The following FAM171A1 variants were observed in gnomAD, a reference collection of about 807,000 sequenced individuals.
FAM171A1 encodes family with sequence similarity 171 member A1, also known as protein FAM171A1.
Under a neutral mutation model 74.9 loss-of-function variants are expected in FAM171A1, and 23 were observed. That is an observed-to-expected ratio of 0.31 (90% CI 0.22 to 0.44). The LOEUF (loss-of-function observed/expected upper bound fraction) is 0.44, where lower values mean the gene tolerates loss of function less well. Ranked by LOEUF, FAM171A1 falls within the 20% of genes least tolerant of loss-of-function variation. The pLI is 1.00. For synonymous variants in FAM171A1, 527 were observed against 505.7 expected, an observed-to-expected ratio of 1.04 and a Z score of -0.57; for missense variants, 1,162 against 1,159.2, an observed-to-expected ratio of 1.00 and a Z score of -0.03.
intron 1 of FAM171A1, among the ~76,000 whole-genome samples, chr10:15,330,268 G>T (rs553881030): frequency 1.3e-5 from 2 of 152,280 alleles, no homozygotes; most frequent in East Asian, 3.9e-4. Flanking sequence ...GAACCCGGCA[G>T]GTGGAGGTTG....
chr10:15,280,875 T>A (rs762284460), intron 2 of FAM171A1, among the ~76,000 whole-genome samples: 2 of 152,312 alleles, frequency 1.3e-5, no homozygotes, highest in South Asian at 2.1e-4. Context: ...AATTTTTTTG[T>A]CTAAATTTTG....
chr10:15,361,193 C>T (rs889444986), intron 1 of FAM171A1, among the ~76,000 whole-genome samples: 9 of 152,242 alleles, frequency 5.9e-5, no homozygotes, highest in Admixed American at 2.6e-4. Context: ...ACAAAGTACA[C>T]GTGCTTTAAT....
At chr10:15,284,821 G>A (rs1278748251) in intron 1 of FAM171A1, among the ~76,000 whole-genome samples, 1 of 151,946 alleles carries the variant, frequency 6.6e-6, no homozygotes, top group East Asian at 1.9e-4. Context: ...TGTGGCAGAA[G>A]TAACCCAGGA....
At chr10:15,331,098 C>T (rs1199555327) in intron 1 of FAM171A1, among the ~76,000 whole-genome samples, 7 of 152,068 alleles carry the variant, frequency 4.6e-5, no homozygotes, top group Non-Finnish European at 4.4e-5. Context: ...CTATGTTGGC[C>T]AGGCTGGTCT....
intron 1 of FAM171A1, among the ~76,000 whole-genome samples, chr10:15,351,574 T>TGGATGGATGGATGGAG (rs1835877701): frequency 6.7e-6 from 1 of 149,864 alleles, no homozygotes; most frequent in African/African-American, 2.5e-5. Context: ...GGACGATGGA[T>TGGATGGATGGATGGAG]GGATGGATGG....
intron 2 of FAM171A1, among the ~76,000 whole-genome samples, chr10:15,282,315 T>C (rs548783164): frequency 5.3e-5 from 8 of 152,252 alleles, no homozygotes; most frequent in East Asian, 3.9e-4. Context: ...GGAGAAAACA[T>C]GTGTGTTCGA....
chr10:15,268,469 T>C (rs529451161), intron 3 of FAM171A1, among the ~76,000 whole-genome samples: 1 of 152,174 alleles, frequency 6.6e-6, no homozygotes, highest in South Asian at 2.1e-4. Flanking sequence ...GAGTTTATAG[T>C]GGTATCAACT....
intron 1 of FAM171A1, among the ~76,000 whole-genome samples, chr10:15,297,604 A>G (rs1326454492): frequency 6.6e-6 from 1 of 152,236 alleles, no homozygotes; most frequent in Non-Finnish European, 1.5e-5. Flanking sequence ...TGAAATATAC[A>G]ATAACAAATA....
intron 5 of FAM171A1, among the ~76,000 whole-genome samples, chr10:15,231,640 C>T (rs1325994475): frequency 6.6e-6 from 1 of 152,004 alleles, no homozygotes; most frequent in Non-Finnish European, 1.5e-5. Context: ...TTGCCACACC[C>T]GCAAAATGCC....
chr10:15,217,974 C>T (rs1446043100), intron 6 of FAM171A1, among the ~76,000 whole-genome samples: 3 of 152,086 alleles, frequency 2.0e-5, no homozygotes, highest in African/African-American at 7.2e-5. Flanking sequence ...ACAATTCCCA[C>T]GGATGTAGCA....
intron 1 of FAM171A1, among the ~76,000 whole-genome samples, chr10:15,327,821 C>A (rs1456402384): frequency 2.6e-5 from 4 of 151,952 alleles, no homozygotes; most frequent in Admixed American, 2.0e-4. Flanking sequence ...GTATTTGGTA[C>A]TATGCCTATT....
intron 5 of FAM171A1, chr10:15,241,819 G>A (rs1834367832): frequency 6.6e-6 from 1 of 151,884 alleles, no homozygotes. Flanking sequence ...CAGTTAGCAG[G>A]CTTTGCATTA....
intron 1 of FAM171A1, among the ~76,000 whole-genome samples, chr10:15,287,411 C>CA (rs1835050730): frequency 7.7e-6 from 1 of 130,374 alleles, no homozygotes; most frequent in African/African-American, 2.9e-5. Context: ...TTTTTTTAGA[C>CA]AGAGTTTCGC....
At chr10:15,239,345 C>T (rs908492220) in intron 5 of FAM171A1, among the ~76,000 whole-genome samples, 1 of 151,722 alleles carries the variant, frequency 6.6e-6, no homozygotes, top group Non-Finnish European at 1.5e-5. Flanking sequence ...ACTCTGTCGC[C>T]CAGGCTGGAG....
intron 5 of FAM171A1, among the ~76,000 whole-genome samples, chr10:15,236,396 T>A (rs1834290872): frequency 6.6e-6 from 1 of 151,756 alleles, no homozygotes. Context: ...GGCTCTGTGG[T>A]AGGCACTCTC....
chr10:15,279,849 C>T (rs58931411), intron 2 of FAM171A1, among the ~76,000 whole-genome samples: 2,699 of 152,078 alleles, frequency 0.018, 86 homozygotes, highest in African/African-American at 0.063. Flanking sequence ...ACCCAGGAGA[C>T]GGAGGTTGCA....
chr10:15,322,332 G>A (rs1383265773), intron 1 of FAM171A1, among the ~76,000 whole-genome samples: 1 of 152,072 alleles, frequency 6.6e-6, no homozygotes, highest in Non-Finnish European at 1.5e-5. Context: ...TCCAACACTC[G>A]AACTAGTCTT....
intron 4 of FAM171A1, among the ~76,000 whole-genome samples, chr10:15,251,284 G>A (rs960381774): frequency 6.6e-6 from 1 of 152,144 alleles, no homozygotes. Flanking sequence ...ACATTGTGGG[G>A]AATTATATCT....
At chr10:15,227,763 T>C (rs1341248791) in intron 5 of FAM171A1, among the ~76,000 whole-genome samples, 1 of 152,256 alleles carries the variant, frequency 6.6e-6, no homozygotes, top group East Asian at 1.9e-4. Flanking sequence ...TGTTGAACTA[T>C]CTTACTAATT....
Sources: allele counts gnomAD v4.1 joint callset (sites outside exome capture counted in the v4.1 genomes callset), GRCh38; gene constraint gnomAD v4.1.1; transcripts MANE v1.5; gene names NCBI Gene and HGNC (gene_info 2026-07-23, HGNC 2026-07-21).